ZHX2: variants seen among roughly 807,000 people sequenced by gnomAD.
The protein encoded by ZHX2 is zinc fingers and homeoboxes 2.
In ZHX2, 6 loss-of-function variants were observed where a neutral mutation model predicts 21.9. That is an observed-to-expected ratio of 0.27 (90% confidence interval 0.15 to 0.54). The LOEUF (loss-of-function observed/expected upper bound fraction) is 0.54. ZHX2 is among the 20% of genes least tolerant of loss of function. The pLI is 0.95. For missense variants in ZHX2, 908 were observed against 1,090.7 expected, an observed-to-expected ratio of 0.83 and a Z score of 2.36; for synonymous variants, 434 against 437.1, an observed-to-expected ratio of 0.99 and a Z score of 0.09.
At chr8:122,908,498 C>T (rs1239551828) in intron 2 of ZHX2, among the ~76,000 whole-genome samples, 1 of 152,204 alleles carries the variant, frequency 6.6e-6, no homozygotes, top group African/African-American at 2.4e-5. Context: ...GCATGAGCCA[C>T]TGTGCCTGGC....
chr8:122,872,041 C>G (rs1819454380), intron 2 of ZHX2, among the ~76,000 whole-genome samples: 1 of 152,210 alleles, frequency 6.6e-6, no homozygotes, highest in South Asian at 2.1e-4. Flanking sequence ...CTGGCCCCTG[C>G]AGTCCTGCTG....
chr8:122,875,519 G>A (rs1488478693), intron 2 of ZHX2, among the ~76,000 whole-genome samples: 10 of 152,158 alleles, frequency 6.6e-5, no homozygotes, highest in Admixed American at 6.5e-4. Flanking sequence ...GGTCATGAAA[G>A]CACCTTGGGG....
At chr8:122,968,029 G>A (rs1437312295) in intron 3 of ZHX2, among the ~76,000 whole-genome samples, 3 of 151,900 alleles carry the variant, frequency 2.0e-5, no homozygotes, top group Non-Finnish European at 4.4e-5. Flanking sequence ...CTTTATTTAG[G>A]GCTGATGAGA....
chr8:122,866,512 A>T (rs1305457633), intron 2 of ZHX2, among the ~76,000 whole-genome samples: 3 of 152,164 alleles, frequency 2.0e-5, no homozygotes, highest in Non-Finnish European at 4.4e-5. Flanking sequence ...TTGTAATGTA[A>T]GCCAAAATTG....
Position 122,952,065 on chromosome 8 carries a change from C to T in ZHX2, c.555C>T (p.Pro185=). Residue 185 remains proline (P), a synonymous_variant, in exon 3 of 4, where the codon CCC becomes CCT. Transcript: ENST00000314393. The surrounding 1 kb of genome is among the most constrained non-coding windows in gnomAD (Gnocchi z 6.9). ...SDSGISVSKT[P]IMKPGKPKAD... is the part of the protein sequence containing the mutation. ...CTGGGATCTCGGTGAGTAAAACCCC[C>T]ATCATGAAGCCTGGAAAACCAAAAG... The T allele has an allele frequency of 6.2e-7, 1 of 1,613,262 alleles. No homozygotes were observed. Among genetic ancestry groups the T allele is most frequent in the Non-Finnish European group, 8.5e-7 (1 of 1,179,904 alleles).
intron 2 of ZHX2, among the ~76,000 whole-genome samples, chr8:122,884,766 G>A (rs765666420): frequency 1.8e-4 from 27 of 152,136 alleles, no homozygotes; most frequent in Middle Eastern, 3.2e-3. Context: ...ATGTGAGCCC[G>A]GTCCAGACCT....
intron 1 of ZHX2, among the ~76,000 whole-genome samples, chr8:122,823,183 G>T (rs1031974490): frequency 1.3e-5 from 2 of 152,314 alleles, no homozygotes; most frequent in African/African-American, 4.8e-5. Context: ...GAAATCTTGG[G>T]CAAAGGTCCC....
intron 2 of ZHX2, among the ~76,000 whole-genome samples, chr8:122,908,873 A>C (rs1413391517): frequency 2.0e-5 from 3 of 152,182 alleles, no homozygotes; most frequent in African/African-American, 4.8e-5. Context: ...CACACTTCCC[A>C]GGCTACCTGA....
intron 1 of ZHX2, among the ~76,000 whole-genome samples, chr8:122,787,233 C>T (rs1462222289): frequency 1.3e-5 from 2 of 152,128 alleles, no homozygotes; most frequent in Non-Finnish European, 1.5e-5. Flanking sequence ...ACCTCTCTTT[C>T]CCCCCTGGTA....
intron 1 of ZHX2, among the ~76,000 whole-genome samples, chr8:122,816,836 C>T (rs1818046429): frequency 6.6e-6 from 1 of 152,094 alleles, no homozygotes. Flanking sequence ...GGGCTAACAG[C>T]TGTAACAACC....
At chr8:122,966,072 C>G (rs1014518816) in intron 3 of ZHX2, among the ~76,000 whole-genome samples, 2 of 152,146 alleles carry the variant, frequency 1.3e-5, no homozygotes, top group East Asian at 3.8e-4. Flanking sequence ...TTGAAGACAG[C>G]AGATACTTGG....
At chr8:122,933,013 T>C (rs903892666) in intron 2 of ZHX2, among the ~76,000 whole-genome samples, 1 of 152,018 alleles carries the variant, frequency 6.6e-6, no homozygotes, top group East Asian at 1.9e-4. Flanking sequence ...GGCTTTGAGA[T>C]AAAGGGAAGT....
At chr8:122,818,701 G>T (rs549535133) in intron 1 of ZHX2, among the ~76,000 whole-genome samples, 1 of 152,218 alleles carries the variant, frequency 6.6e-6, no homozygotes, top group African/African-American at 2.4e-5. Flanking sequence ...GACGCGCCCC[G>T]TGAGGAATTT....
intron 2 of ZHX2, among the ~76,000 whole-genome samples, chr8:122,904,812 AG>A (rs1820309005): frequency 6.6e-6 from 1 of 152,264 alleles, no homozygotes; most frequent in African/African-American, 2.4e-5. Flanking sequence ...GAACGATTAA[AG>A]ACAATAGATG....
intron 1 of ZHX2, among the ~76,000 whole-genome samples, chr8:122,835,099 A>G (rs1226546299): frequency 2.0e-5 from 3 of 152,218 alleles, no homozygotes; most frequent in Non-Finnish European, 4.4e-5. Context: ...GGGTCAGTTC[A>G]TAAGACTGGG....
chr8:122,953,900 C>T lies in ZHX2; in HGVS notation c.2390C>T (p.Thr797Met), dbSNP rs753305049. 5.0e-6 allele frequency: 8 copies of T among 1,613,982 alleles called. No individual in the cohort carries two copies. The highest frequency in any genetic ancestry group is 1.3e-5 in the African/African-American group (1 of 74,924). ...AGCGTTGTGGATTACGTGGAGGTGA[C>T]GGTCGGGGAGGAGGATGCGATCTCA... ...ESSVVDYVEV[T>M]VGEEDAISDR... Residue 797 changes from threonine to methionine, a missense_variant, in exon 3 of 4, where the codon ACG becomes ATG. Transcript: ENST00000314393. This position sits in a 1 kb window ranked among gnomAD's most constrained non-coding sequence, Gnocchi z 4.6.
At chr8:122,858,456 G>A (rs537987867) in intron 1 of ZHX2, among the ~76,000 whole-genome samples, 5 of 152,138 alleles carry the variant, frequency 3.3e-5, no homozygotes, top group South Asian at 2.1e-4. Context: ...GGGAATATGC[G>A]GGGACTCATG....
rs1257280854 is a variant in ZHX2, at chr8:122,828,848, A to T, written c.-282-34629A>T. Among the ~76,000 whole-genome samples the T allele has an allele frequency of 6.6e-6, 1 of 152,094 alleles. No homozygotes were observed. Among genetic ancestry groups the T allele is most frequent in the East Asian group, 1.9e-4 (1 of 5,194 alleles). On this transcript the variant is annotated intron_variant, in intron 1 of 3. Transcript: ENST00000314393. This position sits in a 1 kb window ranked among gnomAD's most constrained non-coding sequence, Gnocchi z 5.2. The stretch of plus-strand genomic sequence containing the variant: ...TCTACCCAGGGTGTTGTAGGTTTTT[A>T]TTTTATTTTATTTTATTTTACACAG...
At chr8:122,816,011 C>T (rs1818024435) in intron 1 of ZHX2, among the ~76,000 whole-genome samples, 2 of 141,158 alleles carry the variant, frequency 1.4e-5, no homozygotes, top group Admixed American at 1.5e-4. Context: ...ACCCAGGAGG[C>T]GGAGGTTGCA....
Sources: allele counts gnomAD v4.1 joint callset (sites outside exome capture counted in the v4.1 genomes callset), GRCh38; gene constraint gnomAD v4.1.1; non-coding constraint Gnocchi (gnomAD v3.1); transcripts MANE v1.5; gene names NCBI Gene and HGNC (gene_info 2026-07-23, HGNC 2026-07-21).